The following AFF1 variants were observed in gnomAD, a reference collection of about 807,000 sequenced individuals.
AFF1 encodes the protein ALF transcription elongation factor 1.
AFF1 carries 48 observed loss-of-function variants against 121.7 expected under a neutral mutation model. That is an observed-to-expected ratio of 0.39 (90% confidence interval 0.31 to 0.50). The LOEUF is 0.50. AFF1 is among the 20% of genes least tolerant of loss of function. The probability of loss-of-function intolerance (pLI) is 0.76; values close to 1 mark genes in which losing one functional copy is unlikely to be tolerated. For synonymous variants in AFF1, 613 were observed against 563.0 expected, an observed-to-expected ratio of 1.09 and a Z score of -1.26; for missense variants, 1,523 against 1,511.7, an observed-to-expected ratio of 1.01 and a Z score of -0.12.
chr4:87,105,955 T>C (rs1450897266), intron 10 of AFF1, 110 bp downstream of exon 10: 1 of 1,353,778 alleles, frequency 7.4e-7, no homozygotes, highest in Non-Finnish European at 1.1e-6. Context: ...GGGAAGGAGC[T>C]GAAGGATCAC....
intron 16 of AFF1, 105 bp downstream of exon 16, chr4:87,127,808 G>A (rs899384476): frequency 4.3e-5 from 49 of 1,136,580 alleles, no homozygotes; most frequent in East Asian, 1.0e-4. Flanking sequence ...GCGTATGTGC[G>A]GTGGAAGGAG....
chr4:86,936,889 A>G (rs770731416), intron 1 of AFF1, among the ~76,000 whole-genome samples: 18 of 152,236 alleles, frequency 1.2e-4, no homozygotes, highest in Non-Finnish European at 2.5e-4. Flanking sequence ...AACAAAATAC[A>G]TAAGTAGTAC....
At chr4:87,085,247 A>G (rs543454870) in intron 5 of AFF1, among the ~76,000 whole-genome samples, 1 of 152,164 alleles carries the variant, frequency 6.6e-6, no homozygotes, top group Non-Finnish European at 1.5e-5. Context: ...GAGAAGAATT[A>G]TATATAATGT....
At chr4:86,958,314 C>T (rs1721904305) in intron 2 of AFF1, among the ~76,000 whole-genome samples, 1 of 151,494 alleles carries the variant, frequency 6.6e-6, no homozygotes, top group East Asian at 2.0e-4. Context: ...TGGTCTCAAA[C>T]TCCTGACCTC....
chr4:87,052,659 G>C (rs1332850022), intron 4 of AFF1, among the ~76,000 whole-genome samples: 1 of 151,846 alleles, frequency 6.6e-6, no homozygotes, highest in Non-Finnish European at 1.5e-5. Flanking sequence ...TGTAACTCTG[G>C]CTTCTGGGTG....
chr4:87,125,425 G>A (rs1728135787), intron 13 of AFF1: 1 of 264,424 alleles, frequency 3.8e-6, no homozygotes, highest in African/African-American at 2.2e-5. Context: ...AAGTAAGAAA[G>A]GTACCCTTAT....
intron 19 of AFF1, among the ~76,000 whole-genome samples, chr4:87,134,134 T>TA (rs1173875543): frequency 6.6e-6 from 1 of 152,214 alleles, no homozygotes; most frequent in Non-Finnish European, 1.5e-5. Flanking sequence ...GGTGCTCAGT[T>TA]AGTGTTTACT....
intron 2 of AFF1, among the ~76,000 whole-genome samples, chr4:87,045,220 T>C (rs1730554743): frequency 6.6e-6 from 1 of 152,220 alleles, no homozygotes; most frequent in Non-Finnish European, 1.5e-5. Flanking sequence ...AATATTTTCC[T>C]GTTTGTTCAA....
intron 4 of AFF1, among the ~76,000 whole-genome samples, chr4:87,071,314 C>A (rs1255345856): frequency 1.3e-5 from 2 of 151,848 alleles, no homozygotes; most frequent in African/African-American, 2.4e-5. Flanking sequence ...TAAAGATTTA[C>A]CTAGAAGAGA....
chr4:86,959,507 T>C (rs28454494), intron 2 of AFF1, among the ~76,000 whole-genome samples: 62,273 of 145,890 alleles, frequency 0.43, 13,840 homozygotes, highest in African/African-American at 0.53. Context: ...TTTTTTTTTT[T>C]CCCAATGTGA....
chr4:87,055,845 ATTTC>A (rs1365555259), intron 4 of AFF1, among the ~76,000 whole-genome samples: 1 of 152,080 alleles, frequency 6.6e-6, no homozygotes, highest in Non-Finnish European at 1.5e-5. Context: ...TTGGTCTTGT[ATTTC>A]TTCTCTCCAG....
At chr4:87,055,760 C>G (rs1720061041) in intron 4 of AFF1, among the ~76,000 whole-genome samples, 1 of 152,104 alleles carries the variant, frequency 6.6e-6, no homozygotes. Context: ...GTGGGGGTGA[C>G]CAACACTCAT....
chr4:87,054,505 G>A (rs1719894256), intron 4 of AFF1, among the ~76,000 whole-genome samples: 1 of 152,186 alleles, frequency 6.6e-6, no homozygotes, highest in Admixed American at 6.5e-5. Flanking sequence ...ATCTTATCTA[G>A]CTTTTCAGGT....
intron 2 of AFF1, among the ~76,000 whole-genome samples, chr4:86,957,920 G>C (rs182984260): frequency 3.3e-5 from 5 of 151,724 alleles, no homozygotes; most frequent in African/African-American, 1.2e-4. Flanking sequence ...CTTTTTCTTT[G>C]CTGAACTATT....
At chr4:87,060,501 T>C (rs181650892) in intron 4 of AFF1, among the ~76,000 whole-genome samples, 2 of 152,286 alleles carry the variant, frequency 1.3e-5, no homozygotes, top group Non-Finnish European at 2.9e-5. Context: ...GGGCATACAC[T>C]CTTCTAGACC....
chr4:86,999,953 G>A (rs1206120764), intron 2 of AFF1, among the ~76,000 whole-genome samples: 4 of 152,144 alleles, frequency 2.6e-5, no homozygotes, highest in Middle Eastern at 3.2e-3. Flanking sequence ...GCATCCTGTA[G>A]TAACAGAAAG....
intron 7 of AFF1, among the ~76,000 whole-genome samples, chr4:87,092,758 C>T (rs1390248932): frequency 6.6e-6 from 1 of 152,172 alleles, no homozygotes; most frequent in Non-Finnish European, 1.5e-5. Flanking sequence ...CCCCAAAATG[C>T]AGATAAATAA....
chr4:86,997,368 G>T (rs1173918000), intron 2 of AFF1, among the ~76,000 whole-genome samples: 1 of 152,200 alleles, frequency 6.6e-6, no homozygotes, highest in Non-Finnish European at 1.5e-5. Flanking sequence ...CTCCATAACT[G>T]TAAGGAATAA....
chr4:87,029,195 T>G (rs1477251214), intron 2 of AFF1, among the ~76,000 whole-genome samples: 1 of 152,226 alleles, frequency 6.6e-6, no homozygotes, highest in Admixed American at 6.5e-5. Flanking sequence ...GTTTCTGAGC[T>G]ACTTTATTGT....
Sources: allele counts gnomAD v4.1 joint callset (sites outside exome capture counted in the v4.1 genomes callset), GRCh38; gene constraint gnomAD v4.1.1; transcripts MANE v1.5; gene names NCBI Gene and HGNC (gene_info 2026-07-23, HGNC 2026-07-21).